PIEZO2: variants seen among roughly 807,000 people sequenced by gnomAD.
PIEZO2 encodes piezo type mechanosensitive ion channel component 2, also known as piezo-type mechanosensitive ion channel component 2.
Under a neutral mutation model 337.3 loss-of-function variants are expected in PIEZO2, and 172 were observed. The observed-to-expected ratio is 0.51, with a 90% CI of 0.45 to 0.58. The LOEUF is 0.58. Among genes scored for constraint, PIEZO2 ranks in the 20% least tolerant of loss-of-function variants. The pLI, the probability that PIEZO2 is intolerant of heterozygous loss-of-function variation, is 0.00. For missense variants in PIEZO2, 3,028 were observed against 3,391.3 expected (o/e 0.89, Z 2.66); for synonymous variants, 1,251 against 1,228.5 (o/e 1.02, Z -0.38).
At chr18:11,082,983 A>G (rs2038803013) in intron 1 of PIEZO2, among the ~76,000 whole-genome samples, 1 of 152,218 alleles carries the variant, frequency 6.6e-6, no homozygotes, top group South Asian at 2.1e-4. Context: ...TGGAATCGGC[A>G]GCATCCTTTG....
intron 2 of PIEZO2, among the ~76,000 whole-genome samples, chr18:11,055,707 G>T (rs913181093): frequency 2.0e-5 from 3 of 152,202 alleles, no homozygotes; most frequent in Non-Finnish European, 4.4e-5. Context: ...AGGGATTTGG[G>T]TCTCCAGTTG....
At position 10,933,449 on chromosome 18, in the gene PIEZO2, C is replaced by T. The variant is rs572794683; in HGVS notation, c.287-22221G>A. ...TCTTAACCTGTTACTTGTTATTTGCCTTTTAACAGAGAGTTAATTATGTGT... is the reference window on the plus strand; with the variant it reads ...TCTTAACCTGTTACTTGTTATTTGCTTTTTAACAGAGAGTTAATTATGTGT... On this transcript the variant is annotated intron_variant, in intron 3 of 55. Transcript: ENST00000674853. Among the ~76,000 whole-genome samples the T allele has an allele frequency of 8.2e-4, 125 of 151,974 alleles. 1 individual carries two copies. The highest frequency in any genetic ancestry group is 1.4e-3 in the Non-Finnish European group (95 of 67,958).
At chr18:11,000,974 C>G (rs896929843) in intron 2 of PIEZO2, among the ~76,000 whole-genome samples, 1 of 152,182 alleles carries the variant, frequency 6.6e-6, no homozygotes, top group Non-Finnish European at 1.5e-5. Flanking sequence ...AGAAATTAAA[C>G]ATGGGCTGTC....
chr18:11,138,579 G>T, intron 1 of PIEZO2, among the ~76,000 whole-genome samples: 1 of 152,172 alleles, frequency 6.6e-6, no homozygotes, highest in East Asian at 1.9e-4. Flanking sequence ...ACAGGCGTGA[G>T]CCACCACACC....
rs1241776589 is a variant in PIEZO2, at chr18:11,112,182, A to C, written c.64+36343T>G. On this transcript the variant is annotated intron_variant, in intron 1 of 55. Coordinates refer to ENST00000674853, the MANE Select transcript of PIEZO2 (RefSeq NM_001378183.1). The surrounding 1 kb of genome is among the most constrained non-coding windows in gnomAD (Gnocchi z 4.3). Reference sequence around the variant, plus strand: ...TTATGTATGTATTTCTAATTTAAGTAATCCTCTAGGTATTTTGTATCTACA... The same window carrying C: ...TTATGTATGTATTTCTAATTTAAGTCATCCTCTAGGTATTTTGTATCTACA... Among the ~76,000 whole-genome samples the C allele has an allele frequency of 1.3e-5, 2 of 152,228 alleles. No individual in the cohort carries two copies. Among genetic ancestry groups the C allele is most frequent in the African/African-American group, 4.8e-5 (2 of 41,472 alleles).
At chr18:10,968,677 C>T (rs1598758569) in intron 3 of PIEZO2, among the ~76,000 whole-genome samples, 1 of 151,140 alleles carries the variant, frequency 6.6e-6, no homozygotes, top group East Asian at 1.9e-4. Flanking sequence ...ATGTGATACA[C>T]ATTTGCAAAG....
In PIEZO2 at chr18:11,027,739, T is replaced by A. The variant is rs2036585672; in HGVS notation, c.160+38388A>T. On this transcript the variant is annotated intron_variant, in intron 2 of 55. Transcript: ENST00000674853. The surrounding 1 kb of genome is among the most constrained non-coding windows in gnomAD (Gnocchi z 4.2). The stretch of plus-strand genomic sequence containing the variant: ...AAAAATCATTAGCATTAACTGAAAA[T>A]AGCCATTCACTCTAACTCCAGGATT... Among the ~76,000 whole-genome samples, 1 of 152,204 alleles carries A rather than the reference T, an allele frequency of 6.6e-6. No homozygotes were observed. The highest frequency in any genetic ancestry group is 1.5e-5 in the Non-Finnish European group (1 of 68,038).
intron 4 of PIEZO2, among the ~76,000 whole-genome samples, chr18:10,892,205 G>GA (rs1438449487): frequency 6.6e-6 from 1 of 152,006 alleles, no homozygotes; most frequent in African/African-American, 2.4e-5. Flanking sequence ...CTATATAATG[G>GA]AATACCATTA....
chr18:10,836,604 A>G (rs2041021766), intron 7 of PIEZO2, among the ~76,000 whole-genome samples: 1 of 152,246 alleles, frequency 6.6e-6, no homozygotes, highest in Non-Finnish European at 1.5e-5. Context: ...TCAAACATAT[A>G]AAGTCACACC....
intron 3 of PIEZO2, among the ~76,000 whole-genome samples, chr18:10,977,644 CTG>C (rs1485958273): frequency 2.0e-5 from 3 of 152,164 alleles, no homozygotes; most frequent in African/African-American, 4.8e-5. Context: ...TATTTAAACA[CTG>C]TGTTTCATCA....
At chr18:10,892,953 A>C (rs264226) in intron 4 of PIEZO2, among the ~76,000 whole-genome samples, 95,643 of 152,068 alleles carry the variant, frequency 0.63, 30,308 homozygotes, top group East Asian at 0.77. Flanking sequence ...ATGGTCAGTA[A>C]AGGTCCTTGA....
At chr18:10,891,845 A>G (rs894619422) in intron 4 of PIEZO2, among the ~76,000 whole-genome samples, 3 of 152,250 alleles carry the variant, frequency 2.0e-5, no homozygotes, top group African/African-American at 7.2e-5. Flanking sequence ...TCTGTTAAGC[A>G]AATAAAATAA....
rs1275463833 is a variant in PIEZO2 at position 10,796,919 on chromosome 18, A to G, written c.1527+455T>C. Among the ~76,000 whole-genome samples, 3 of 152,176 alleles carry G rather than the reference A, an allele frequency of 2.0e-5. No individual in the cohort carries two copies. The East Asian group carries it at 5.8e-4, about 29-fold the overall frequency. The stretch of plus-strand genomic sequence containing the variant: ...ACCATCATATCATATCTTACATACC[A>G]TCATATATGTACTATCATGTCATAT... On this transcript the variant is annotated intron_variant, in intron 12 of 55. Transcript: ENST00000674853.
At position 10,838,282 on chromosome 18, in the gene PIEZO2, T is replaced by G. The variant is rs186115890; in HGVS notation, c.917+17071A>C. Among the ~76,000 whole-genome samples the G allele has an allele frequency of 9.8e-5, 15 of 152,332 alleles. No individual in the cohort carries two copies. In the East Asian group the frequency reaches 2.9e-3, roughly 29 times the overall value. On this transcript the variant is annotated intron_variant, in intron 7 of 55. Coordinates refer to ENST00000674853, the MANE Select transcript of PIEZO2 (RefSeq NM_001378183.1). ...CACAGCCAATGTTTAACCATCTTTT[T>G]TTTATTGGTTTCTTACTTATGCTTT...
Position 11,051,412 on chromosome 18 carries a change from C to T in PIEZO2, c.160+14715G>A, listed in dbSNP as rs954748616. On this transcript the variant is annotated intron_variant, in intron 2 of 55. Coordinates refer to ENST00000674853, the MANE Select transcript of PIEZO2 (RefSeq NM_001378183.1). ...GGGTGTAACATAAACATTTCATATA[C>T]GAACTGATTAGATGATGATTCTTCT... Among the ~76,000 whole-genome samples the T allele has an allele frequency of 8.0e-5, 12 of 150,078 alleles. No individual in the cohort carries two copies. The South Asian group carries it at 1.7e-3, about 21-fold the overall frequency.
chr18:10,898,277 C>T (rs1037787878), intron 4 of PIEZO2, among the ~76,000 whole-genome samples: 38 of 151,996 alleles, frequency 2.5e-4, no homozygotes, highest in Admixed American at 6.6e-4. Context: ...AAAAACTAGC[C>T]GGGCGTGGTG....
intron 53 of PIEZO2, among the ~76,000 whole-genome samples, chr18:10,675,818 TTCTTGTGATAGTGAATAAGTC>T (rs762773052): frequency 1.3e-5 from 2 of 152,242 alleles, no homozygotes; most frequent in Admixed American, 6.5e-5. Flanking sequence ...CATCATGCTG[TTCTTGTGATAGTGAATAAGTC>T]TCATGAAATC....
At position 11,132,052 on chromosome 18, in the gene PIEZO2, TCA is replaced by T. The variant is rs1156725418; in HGVS notation, c.64+16471_64+16472del. On this transcript the variant is annotated intron_variant, in intron 1 of 55. Coordinates refer to ENST00000674853, the MANE Select transcript of PIEZO2 (RefSeq NM_001378183.1). This position sits in a 1 kb window ranked among gnomAD's most constrained non-coding sequence, Gnocchi z 4.7. ...AGACCAATACTGAGCCCTCGATATG[TCA>T]CCTTTCCTCAGGGTGATCAGCCAGC... Among the ~76,000 whole-genome samples, 2 of 152,200 alleles carry T rather than the reference TCA, an allele frequency of 1.3e-5. No individual in the cohort carries two copies. The highest frequency in any genetic ancestry group is 4.8e-5 in the African/African-American group (2 of 41,446).
intron 3 of PIEZO2, among the ~76,000 whole-genome samples, chr18:10,931,113 A>G (rs1187929100): frequency 1.1e-5 from 1 of 94,568 alleles, no homozygotes; most frequent in East Asian, 3.0e-4. Flanking sequence ...TCTCAACTGA[A>G]TAATTCTTCC....
Sources: allele counts gnomAD v4.1 joint callset (sites outside exome capture counted in the v4.1 genomes callset), GRCh38; gene constraint gnomAD v4.1.1; non-coding constraint Gnocchi (gnomAD v3.1); transcripts MANE v1.5; gene names NCBI Gene and HGNC (gene_info 2026-07-23, HGNC 2026-07-21).